The following LARGE1 variants were observed in gnomAD, a reference collection of about 807,000 sequenced individuals.
LARGE1 encodes xylosyl- and glucuronyltransferase LARGE1.
In LARGE1, 43 loss-of-function variants were observed where a neutral mutation model predicts 87.6. That is an observed-to-expected ratio of 0.49 (90% CI 0.38 to 0.63). LARGE1 has a LOEUF of 0.63. Among genes scored for constraint, LARGE1 ranks in the 30% least tolerant of loss-of-function variants. LARGE1 has a pLI of 0.00. For synonymous variants in LARGE1, 434 were observed against 394.6 expected (o/e 1.10, Z -1.18); for missense variants, 802 against 1,000.2 (o/e 0.80, Z 2.67).
intron 2 of LARGE1, among the ~76,000 whole-genome samples, chr22:33,758,876 A>C (rs2084619360): frequency 6.6e-6 from 1 of 152,192 alleles, no homozygotes; most frequent in Non-Finnish European, 1.5e-5. Flanking sequence ...CTGTGACCAG[A>C]AATAGGCACA....
the LARGE1 span, among the ~76,000 whole-genome samples, chr22:33,140,887 A>C: frequency 6.6e-6 from 1 of 152,116 alleles, no homozygotes; most frequent in Non-Finnish European, 1.5e-5. Context: ...TCATATATAC[A>C]TCTACCCTAT....
At chr22:33,511,932 TCTC>T in intron 6 of LARGE1, among the ~76,000 whole-genome samples, 1 of 152,232 alleles carries the variant, frequency 6.6e-6, no homozygotes, top group Admixed American at 6.5e-5. Flanking sequence ...TCTTGTCTCA[TCTC>T]TTTATTGTAC....
chr22:33,671,264 G>GTA (rs2081402558), intron 2 of LARGE1, among the ~76,000 whole-genome samples: 1 of 152,146 alleles, frequency 6.6e-6, no homozygotes, highest in Non-Finnish European at 1.5e-5. Context: ...TTCCCAGAAT[G>GTA]GCTACATTTC....
At chr22:33,509,029 T>G (rs1212050310) in intron 6 of LARGE1, among the ~76,000 whole-genome samples, 1 of 152,210 alleles carries the variant, frequency 6.6e-6, no homozygotes, top group African/African-American at 2.4e-5. Flanking sequence ...ATATATTTGC[T>G]TGGGGAGTGA....
chr22:33,236,039 C>T (rs566640293), intron 11 of LARGE1, among the ~76,000 whole-genome samples: 24 of 152,216 alleles, frequency 1.6e-4, no homozygotes, highest in African/African-American at 5.5e-4. Context: ...GAGGCAGAGA[C>T]GAGTGATGCA....
At chr22:33,695,619 T>G (rs1311165746) in intron 2 of LARGE1, among the ~76,000 whole-genome samples, 2 of 152,198 alleles carry the variant, frequency 1.3e-5, no homozygotes, top group Non-Finnish European at 2.9e-5. Flanking sequence ...TATCAACACA[T>G]CTTTGGTTTT....
intron 2 of LARGE1, among the ~76,000 whole-genome samples, chr22:33,697,114 A>C (rs1158587870): frequency 6.6e-6 from 1 of 152,174 alleles, no homozygotes; most frequent in Non-Finnish European, 1.5e-5. Flanking sequence ...CAGGAGGTAG[A>C]GGATGCCCTT....
At chr22:33,684,439 A>C (rs1342560618) in intron 2 of LARGE1, among the ~76,000 whole-genome samples, 1 of 151,844 alleles carries the variant, frequency 6.6e-6, no homozygotes, top group Non-Finnish European at 1.5e-5. Context: ...AACAAGACGG[A>C]TAGAAGAGAA....
chr22:33,884,234 G>A (rs1320157951), intron 1 of LARGE1, among the ~76,000 whole-genome samples: 3 of 152,208 alleles, frequency 2.0e-5, no homozygotes, highest in East Asian at 1.9e-4. Context: ...CTCTGTGTAC[G>A]AATCATTACT....
chr22:33,765,972 G>T (rs1445685593), intron 1 of LARGE1, among the ~76,000 whole-genome samples: 1 of 151,958 alleles, frequency 6.6e-6, no homozygotes, highest in African/African-American at 2.4e-5. Flanking sequence ...AAACCCAGCA[G>T]GTAAAAAATA....
At chr22:33,670,297 T>C (rs2081372309) in intron 2 of LARGE1, among the ~76,000 whole-genome samples, 1 of 151,468 alleles carries the variant, frequency 6.6e-6, no homozygotes. Flanking sequence ...AATAGCAGGG[T>C]GAAGGACAGA....
At chr22:33,709,530 G>A (rs1445629744) in intron 2 of LARGE1, among the ~76,000 whole-genome samples, 3 of 152,116 alleles carry the variant, frequency 2.0e-5, no homozygotes, top group Non-Finnish European at 4.4e-5. Context: ...TGGTGAGGCA[G>A]TAGCGCGCTT....
At chr22:33,166,499 C>G (rs1201003972) in exon 12 of LARGE1, 1 of 320,752 alleles carries the variant, frequency 3.1e-6, no homozygotes, top group Non-Finnish European at 6.1e-6. Context: ...TGGCATGTAC[C>G]ACTTCAATGT....
chr22:33,439,423 C>T (rs535142094), intron 6 of LARGE1, among the ~76,000 whole-genome samples: 2 of 152,110 alleles, frequency 1.3e-5, no homozygotes, highest in African/African-American at 4.8e-5. Context: ...TCTCACCCCA[C>T]TCCACCTTTC....
chr22:33,828,594 G>C (rs892038870), intron 1 of LARGE1, among the ~76,000 whole-genome samples: 1 of 152,188 alleles, frequency 6.6e-6, no homozygotes, highest in Admixed American at 6.5e-5. Flanking sequence ...AGTAAGCGAC[G>C]TTGAGAAAGA....
intron 9 of LARGE1, among the ~76,000 whole-genome samples, chr22:33,378,776 C>T (rs1318231717): frequency 2.0e-5 from 3 of 151,272 alleles, no homozygotes; most frequent in Non-Finnish European, 4.4e-5. Context: ...GGCTTAGTCC[C>T]ACGAGGCTGC....
intron 11 of LARGE1, among the ~76,000 whole-genome samples, chr22:33,170,478 T>C (rs137346): frequency 0.62 from 94,434 of 152,036 alleles, 29,618 homozygotes; most frequent in Middle Eastern, 0.69. Context: ...GTAATCCCCA[T>C]GTGTCGGAGG....
intron 12 of LARGE1, among the ~76,000 whole-genome samples, chr22:33,300,835 T>G (rs899219382): frequency 6.6e-6 from 1 of 152,076 alleles, no homozygotes; most frequent in African/African-American, 2.4e-5. Context: ...CCACCGCGCC[T>G]GGCCAATTTT....
intron 6 of LARGE1, among the ~76,000 whole-genome samples, chr22:33,554,063 ACAT>A (rs1207881288): frequency 6.6e-6 from 1 of 152,154 alleles, no homozygotes; most frequent in African/African-American, 2.4e-5. Context: ...GCAGCAGTGA[ACAT>A]CATTCACTGG....
Sources: gnomAD v4.1 joint callset for allele counts (sites outside exome capture counted in the v4.1 genomes callset) on GRCh38, gnomAD v4.1.1 for gene constraint, MANE v1.5 for transcripts, NCBI Gene and HGNC (gene_info 2026-07-23, HGNC 2026-07-21) for gene names.